DYNC2H1: variants seen among roughly 807,000 people sequenced by gnomAD.
DYNC2H1 encodes cytoplasmic dynein 2 heavy chain 1.
Under a neutral mutation model 570.0 loss-of-function variants are expected in DYNC2H1, and 410 were observed. That is an observed-to-expected ratio of 0.72 (90% CI 0.66 to 0.78). The LOEUF is 0.78. Ranked by LOEUF, DYNC2H1 falls within the 30% of genes least tolerant of loss-of-function variation. The pLI is 0.00. For synonymous variants in DYNC2H1, 1,688 were observed against 1,677.6 expected (o/e 1.01, Z -0.15); for missense variants, 4,865 against 5,046.4 (o/e 0.96, Z 1.09).
chr11:103,264,359 ACCAG>A lies in DYNC2H1; in HGVS notation c.10695+4383_10695+4386del, dbSNP rs1308466473. On this transcript the variant is annotated intron_variant, in intron 70 of 88. Transcript: ENST00000375735. The surrounding 1 kb of genome is among the most constrained non-coding windows in gnomAD (Gnocchi z 4.8). Reference sequence around the variant, plus strand: ...ACCCCTACCTAACTCATTTTATGAGACCAGGATCATCATGATACCACAACGTGGC... The same window carrying A: ...ACCCCTACCTAACTCATTTTATGAGAGATCATCATGATACCACAACGTGGC... Among the ~76,000 whole-genome samples, 2 of 152,176 alleles carry A rather than the reference ACCAG, an allele frequency of 1.3e-5. No homozygotes were observed. Among genetic ancestry groups the A allele is most frequent in the African/African-American group, 4.8e-5 (2 of 41,448 alleles).
Position 103,237,739 on chromosome 11 carries a change from A to T in DYNC2H1, c.9819+1200A>T, listed in dbSNP as rs994639641. Among the ~76,000 whole-genome samples the T allele has an allele frequency of 5.5e-3, 8 of 1,450 alleles. No individual in the cohort carries two copies. In the East Asian group the frequency reaches 0.058, roughly 11 times the overall value. The allele number at this position is 1,450 out of a possible 152,430, so 1.0% of individuals were successfully genotyped here. A position where few individuals can be genotyped will look rare whatever the true frequency, so the allele number is the denominator to read the frequency against. On this transcript the variant is annotated intron_variant, in intron 63 of 88. Coordinates refer to ENST00000375735, the MANE Select transcript of DYNC2H1 (RefSeq NM_001377.3). ...CCAAGAAAGCAATTGATTGCAAATT[A>T]AAAAAAAAAGGTTTAAGAATTCTTT...
In DYNC2H1 at chr11:103,235,740, A is replaced by G; in HGVS notation, c.9636A>G (p.Thr3212=). ...KRAQLAAAFI[T]YLSAAPESLR... Reference sequence around the variant, plus strand: ...CTCAACTTGCTGCTGCATTTATTACATATCTTTCTGCTGCTCCTGAATCTC... The same window carrying G: ...CTCAACTTGCTGCTGCATTTATTACGTATCTTTCTGCTGCTCCTGAATCTC... Residue 3212 remains threonine, a synonymous_variant, in exon 62 of 89, where the codon ACA becomes ACG. Coordinates refer to ENST00000375735, the MANE Select transcript of DYNC2H1 (RefSeq NM_001377.3). 2 of 1,611,762 alleles carry G rather than the reference A, an allele frequency of 1.2e-6. No homozygotes were observed. Among genetic ancestry groups the G allele is most frequent in the Non-Finnish European group, 8.5e-7 (1 of 1,178,570 alleles).
At chr11:103,116,839 G>A in intron 5 of DYNC2H1, 125 bp downstream of exon 5, 1 of 755,296 alleles carries the variant, frequency 1.3e-6, no homozygotes, top group Admixed American at 3.2e-5. Flanking sequence ...AGCAAATCAT[G>A]TAGCATTATT....
Position 103,326,248 on chromosome 11 carries a change from GA to G in DYNC2H1, c.12039+2260del, listed in dbSNP as rs1164452489. Among the ~76,000 whole-genome samples, 2 of 152,174 alleles carry G rather than the reference GA, an allele frequency of 1.3e-5. No homozygotes were observed. Among genetic ancestry groups the G allele is most frequent in the African/African-American group, 2.4e-5 (1 of 41,520 alleles). On this transcript the variant is annotated intron_variant, in intron 82 of 88. Coordinates refer to ENST00000375735, the MANE Select transcript of DYNC2H1 (RefSeq NM_001377.3). This position sits in a 1 kb window ranked among gnomAD's most constrained non-coding sequence, Gnocchi z 6.1. ...TCTTGGGAGTAGAGGGAGGGGCGGGGAATAAAATCATCTCACCAGGGCCCCG... is the reference window on the plus strand; with the variant it reads ...TCTTGGGAGTAGAGGGAGGGGCGGGGATAAAATCATCTCACCAGGGCCCCG...
chr11:103,448,776 G>A (rs1944505400), intron 85 of DYNC2H1, among the ~76,000 whole-genome samples: 2 of 152,006 alleles, frequency 1.3e-5, no homozygotes, highest in Non-Finnish European at 2.9e-5. Context: ...CATGAACATG[G>A]GGACATGAAA....
At chr11:103,214,446 C>CTTTTTTTTTT (rs200386358) in intron 54 of DYNC2H1, among the ~76,000 whole-genome samples, 5 of 127,448 alleles carry the variant, frequency 3.9e-5, no homozygotes, top group Non-Finnish European at 6.4e-5. Flanking sequence ...ACTTCTTCTT[C>CTTTTTTTTTT]TTTTTTTTTT....
Position 103,170,923 on chromosome 11 carries a change from G to A in DYNC2H1, c.5189G>A (p.Gly1730Asp), listed in dbSNP as rs1280509051. ...DVKSMGRIFV[G>D]LVKCGAWGCF... Reference sequence around the variant, plus strand: ...AAGTCAATGGGACGAATATTTGTTGGTTTGGTGAAGTGTGGGGCCTGGGGT... The same window carrying A: ...AAGTCAATGGGACGAATATTTGTTGATTTGGTGAAGTGTGGGGCCTGGGGT... Residue 1730 changes from glycine to aspartate, a missense_variant, in exon 34 of 89, where the codon GGT becomes GAT. Coordinates refer to ENST00000375735, the MANE Select transcript of DYNC2H1 (RefSeq NM_001377.3). This position sits in a 1 kb window ranked among gnomAD's most constrained non-coding sequence, Gnocchi z 4.8. The A allele has an allele frequency of 3.1e-6, 5 of 1,588,584 alleles. No individual in the cohort carries two copies. Among genetic ancestry groups the A allele is most frequent in the Non-Finnish European group, 4.3e-6 (5 of 1,163,904 alleles).
At chr11:103,246,063 A>C (rs77714295) in intron 65 of DYNC2H1, among the ~76,000 whole-genome samples, 2,225 of 152,192 alleles carry the variant, frequency 0.015, 62 homozygotes, top group African/African-American at 0.051. Flanking sequence ...TGTCCCTCAC[A>C]TTGATATGTT....
intron 11 of DYNC2H1, among the ~76,000 whole-genome samples, chr11:103,124,401 G>C (rs1056888222): frequency 7.1e-6 from 1 of 141,244 alleles, no homozygotes; most frequent in South Asian, 2.2e-4. Context: ...AGCCATGATC[G>C]CTGTACTGCA....
intron 88 of DYNC2H1, among the ~76,000 whole-genome samples, chr11:103,474,677 T>C (rs1945498861): frequency 6.6e-6 from 1 of 152,086 alleles, no homozygotes; most frequent in African/African-American, 2.4e-5. Context: ...TTTATTATTG[T>C]GGTATTGTTA....
chr11:103,116,163 C>T (rs1858381998), intron 4 of DYNC2H1, among the ~76,000 whole-genome samples: 1 of 152,018 alleles, frequency 6.6e-6, no homozygotes, highest in Non-Finnish European at 1.5e-5. Context: ...TATAGCATGA[C>T]AAATCTGGAC....
At chr11:103,195,096 A>G (rs533273235) in intron 47 of DYNC2H1, among the ~76,000 whole-genome samples, 2 of 152,258 alleles carry the variant, frequency 1.3e-5, no homozygotes, top group South Asian at 4.1e-4. Context: ...TGGTTTGCAA[A>G]TATATTCTCC....
chr11:103,320,964 C>A, intron 80 of DYNC2H1, 65 bp from the exon 81 acceptor site: 1 of 1,265,210 alleles, frequency 7.9e-7, no homozygotes, highest in Non-Finnish European at 1.1e-6. Flanking sequence ...ATAAATATAA[C>A]TCAAGGCAGG....
chr11:103,266,773 GT>G (rs1865522880), intron 70 of DYNC2H1, among the ~76,000 whole-genome samples: 1 of 152,094 alleles, frequency 6.6e-6, no homozygotes, highest in East Asian at 1.9e-4. Flanking sequence ...GCTAATGCAG[GT>G]CCCCTGGGCA....
Position 103,145,376 on chromosome 11 carries a change from C to T in DYNC2H1, c.2702+1981C>T, listed in dbSNP as rs1860188774. On this transcript the variant is annotated intron_variant, in intron 18 of 88. Coordinates refer to ENST00000375735, the MANE Select transcript of DYNC2H1 (RefSeq NM_001377.3). This position sits in a 1 kb window ranked among gnomAD's most constrained non-coding sequence, Gnocchi z 4.2. Reference sequence around the variant, plus strand: ...AGTTTAAAGTAAGGAAAAGATAGTGCTTTTGTAGTGCTTGCACATGGGGTT... The same window carrying T: ...AGTTTAAAGTAAGGAAAAGATAGTGTTTTTGTAGTGCTTGCACATGGGGTT... Among the ~76,000 whole-genome samples the T allele has an allele frequency of 6.6e-6, 1 of 152,078 alleles. No individual in the cohort carries two copies. The highest frequency in any genetic ancestry group is 2.4e-5 in the African/African-American group (1 of 41,408).
intron 75 of DYNC2H1, among the ~76,000 whole-genome samples, chr11:103,288,758 G>T (rs189247839): frequency 6.7e-6 from 1 of 148,934 alleles, no homozygotes; most frequent in East Asian, 2.0e-4. Flanking sequence ...GCGAGTGCCT[G>T]TAATCCCAGC....
intron 84 of DYNC2H1, among the ~76,000 whole-genome samples, chr11:103,409,138 G>T (rs957034532): frequency 2.0e-5 from 3 of 151,956 alleles, no homozygotes; most frequent in African/African-American, 7.3e-5. Context: ...GGTGTTTTTG[G>T]TAAACAGGCA....
rs567081808 is a variant in DYNC2H1 at position 103,441,971 on chromosome 11, G to A, written c.12456+5939G>A. Among the ~76,000 whole-genome samples the A allele has an allele frequency of 2.6e-5, 4 of 151,934 alleles. No homozygotes were observed. The East Asian group carries it at 5.8e-4, about 22-fold the overall frequency. On this transcript the variant is annotated intron_variant, in intron 85 of 88. Coordinates refer to ENST00000375735, the MANE Select transcript of DYNC2H1 (RefSeq NM_001377.3). ...TAGTAACTTTCCTAGTCCTTGGTACGGTGTTTCACACACAGCAAGTACTCA... is the reference window on the plus strand; with the variant it reads ...TAGTAACTTTCCTAGTCCTTGGTACAGTGTTTCACACACAGCAAGTACTCA...
chr11:103,179,072 G>T lies in DYNC2H1; in HGVS notation c.6186G>T (p.Trp2062Cys). Residue 2062 changes from tryptophan (W) to cysteine (C), a missense_variant, in exon 39 of 89, where the codon TGG becomes TGT. Trp to Cys is a radical substitution (Grantham distance 215). This residue lies in a region of DYNC2H1 where 231 missense variants were observed against 310.3 expected (regional missense o/e 0.74). Transcript: ENST00000375735. The part of the protein sequence containing the change: ...IICDGDIDPE[W>C]IESLNSVLDD... ...GTGATGGTGATATTGACCCTGAATGGATAGAATCTCTGAATTCTGTTCTGG... is the reference window on the plus strand; with the variant it reads ...GTGATGGTGATATTGACCCTGAATGTATAGAATCTCTGAATTCTGTTCTGG... 1 of 1,612,528 alleles carries T rather than the reference G, an allele frequency of 6.2e-7. No homozygotes were observed. Among genetic ancestry groups the T allele is most frequent in the Non-Finnish European group, 8.5e-7 (1 of 1,178,936 alleles).
Sources: gnomAD v4.1 joint callset for allele counts (sites outside exome capture counted in the v4.1 genomes callset) on GRCh38, gnomAD v4.1.1 for gene constraint, gnomAD v4.1.1 regional missense constraint, Gnocchi (gnomAD v3.1) non-coding constraint, MANE v1.5 for transcripts, NCBI Gene and HGNC (gene_info 2026-07-23, HGNC 2026-07-21) for gene names.